Variants in PCDHGA5 observed in about 807,000 individuals in gnomAD.
The protein encoded by PCDHGA5 is protocadherin gamma subfamily A, 5.
A neutral mutation model predicts 56.7 loss-of-function variants in PCDHGA5; 36 were observed. The ratio of observed to expected loss-of-function variants is 0.64; its 90% CI spans 0.49 to 0.84. The LOEUF (loss-of-function observed/expected upper bound fraction) is 0.84, where lower values mean the gene tolerates loss of function less well. PCDHGA5 is among the 40% of genes least tolerant of loss of function. PCDHGA5 has a pLI of 0.00. For synonymous variants in PCDHGA5, 563 were observed against 520.2 expected (o/e 1.08, Z -1.12); for missense variants, 1,305 against 1,201.5 (o/e 1.09, Z -1.27).
rs371823901 is a variant in PCDHGA5 at position 141,384,767 on chromosome 5, C to T, written c.2421+18016C>T. 6.8e-6 allele frequency: 11 copies of T among 1,613,806 alleles called. No individual in the cohort carries two copies. The African/African-American group carries it at 9.3e-5, about 14-fold the overall frequency. The stretch of plus-strand genomic sequence containing the variant: ...GGACTCTTTGCGGTTGGGCTGTACA[C>T]GGGCGAGGTGCGCACGGCTCGGGCC... On this transcript the variant is annotated intron_variant, in intron 1 of 3. Coordinates refer to ENST00000518069, the MANE Select transcript of PCDHGA5 (RefSeq NM_018918.3).
At chr5:141,446,860 G>A (rs969206755) in intron 1 of PCDHGA5, among the ~76,000 whole-genome samples, 17 of 152,162 alleles carry the variant, frequency 1.1e-4, no homozygotes, top group African/African-American at 3.9e-4. Flanking sequence ...CTTCCTGATA[G>A]CTCTACACTG....
At position 141,382,875 on chromosome 5, in the gene PCDHGA5, C is replaced by T. The variant is rs531192742; in HGVS notation, c.2421+16124C>T. On this transcript the variant is annotated intron_variant, in intron 1 of 3. Transcript: ENST00000518069. ...TCTGAAGCACTTCCCGAGATCGGCG[C>T]CTAAGCAAGAGAAGCAGGACGACTA... 5 of 1,524,466 alleles carry T rather than the reference C, an allele frequency of 3.3e-6. No individual in the cohort carries two copies. In the East Asian group the frequency reaches 1.1e-4, roughly 35 times the overall value. The allele number at this position is 1,524,466 out of a possible 1,614,324, so 94.4% of individuals were successfully genotyped here. A position where few individuals can be genotyped will look rare whatever the true frequency, so the allele number is the denominator to read the frequency against.
Position 141,489,173 on chromosome 5 carries a change from C to T in PCDHGA5, c.2422-5634C>T. 8.3e-7 allele frequency: 1 copy of T among 1,208,434 alleles called. No individual in the cohort carries two copies. Among genetic ancestry groups the T allele is most frequent in the Non-Finnish European group, 1.2e-6 (1 of 860,944 alleles). The allele number at this position is 1,208,434 out of a possible 1,614,324, so 74.9% of individuals were successfully genotyped here. ...CATAAGAGACTTCAGCTGCTGCATTCCAAGCCCTGGGTCTACCTTGGAGAC... is the reference window on the plus strand; with the variant it reads ...CATAAGAGACTTCAGCTGCTGCATTTCAAGCCCTGGGTCTACCTTGGAGAC... On this transcript the variant is annotated intron_variant, in intron 1 of 3. Coordinates refer to ENST00000518069, the MANE Select transcript of PCDHGA5 (RefSeq NM_018918.3). The surrounding 1 kb of genome is among the most constrained non-coding windows in gnomAD (Gnocchi z 4.5).
At chr5:141,376,047 C>G (rs778307171) in intron 1 of PCDHGA5, 2 of 1,613,296 alleles carry the variant, frequency 1.2e-6, no homozygotes, top group South Asian at 2.2e-5. Flanking sequence ...CCCCCTCTCT[C>G]CGCCACTGTC....
At chr5:141,429,408 T>A (rs2097213256) in intron 1 of PCDHGA5, among the ~76,000 whole-genome samples, 1 of 151,838 alleles carries the variant, frequency 6.6e-6, no homozygotes, top group Non-Finnish European at 1.5e-5. Flanking sequence ...GAGATTAAGG[T>A]CTCATTATGT....
At chr5:141,372,159 A>G in intron 1 of PCDHGA5, 1 of 1,613,708 alleles carries the variant, frequency 6.2e-7, no homozygotes, top group East Asian at 2.2e-5. Context: ...CTACCTGGTG[A>G]CCAAGGTGGT....
At chr5:141,370,553 C>T in intron 1 of PCDHGA5, 1 of 1,613,810 alleles carries the variant, frequency 6.2e-7, no homozygotes, top group African/African-American at 1.3e-5. Flanking sequence ...TCGCCAAGGA[C>T]CTGGGGTTTG....
chr5:141,373,423 T>G (rs992122154), intron 1 of PCDHGA5, among the ~76,000 whole-genome samples: 1 of 152,214 alleles, frequency 6.6e-6, no homozygotes, highest in Non-Finnish European at 1.5e-5. Flanking sequence ...CTCGGGAGGC[T>G]GAGGTGGGAG....
chr5:141,368,584 T>C (rs988612608), intron 1 of PCDHGA5, among the ~76,000 whole-genome samples: 1 of 152,088 alleles, frequency 6.6e-6, no homozygotes, highest in African/African-American at 2.4e-5. Context: ...GGGTAAGGTG[T>C]TTGGGAAAAA....
At chr5:141,504,236 C>A (rs1011850372) in intron 2 of PCDHGA5, among the ~76,000 whole-genome samples, 2 of 152,194 alleles carry the variant, frequency 1.3e-5, no homozygotes, top group African/African-American at 4.8e-5. Flanking sequence ...TTCTAAGAAG[C>A]AGAGAGTTCT....
At chr5:141,385,268 C>CTT (rs1561607550) in intron 1 of PCDHGA5, 1 of 1,613,616 alleles carries the variant, frequency 6.2e-7, no homozygotes, top group Non-Finnish European at 8.5e-7. Context: ...AAAAATGATT[C>CTT]TTTGCTAACA....
intron 1 of PCDHGA5, chr5:141,416,557 T>C (rs1428283225): frequency 3.9e-5 from 6 of 152,112 alleles, no homozygotes; most frequent in Non-Finnish European, 8.8e-5. Flanking sequence ...CCTGAAACTC[T>C]GAAAACTCTG....
chr5:141,439,211 A>G (rs1438403213), intron 1 of PCDHGA5, among the ~76,000 whole-genome samples: 1 of 151,666 alleles, frequency 6.6e-6, no homozygotes, highest in Non-Finnish European at 1.5e-5. Flanking sequence ...AAAAATCCAT[A>G]TGTGAAAATT....
intron 1 of PCDHGA5, chr5:141,370,515 C>T (rs570951423): frequency 6.2e-7 from 1 of 1,613,860 alleles, no homozygotes; most frequent in South Asian, 1.1e-5. Context: ...TCCCGAGGAG[C>T]TGGACAGGGG....
At chr5:141,370,501 C>G in intron 1 of PCDHGA5, 1 of 1,613,952 alleles carries the variant, frequency 6.2e-7, no homozygotes, top group South Asian at 1.1e-5. Flanking sequence ...ATCCGCTACG[C>G]TATTCCCGAG....
intron 1 of PCDHGA5, among the ~76,000 whole-genome samples, chr5:141,451,302 G>T (rs1445994098): frequency 6.6e-6 from 1 of 152,208 alleles, no homozygotes; most frequent in Non-Finnish European, 1.5e-5. Context: ...GTCTTACAAG[G>T]CAGCAATTAA....
At chr5:141,374,994 C>A in intron 1 of PCDHGA5, 2 of 1,614,038 alleles carry the variant, frequency 1.2e-6, no homozygotes, top group Non-Finnish European at 1.7e-6. Flanking sequence ...ATTTCAACTT[C>A]TGCAAATCTA....
chr5:141,399,708 A>G lies in PCDHGA5; in HGVS notation c.2421+32957A>G, dbSNP rs769072460. On this transcript the variant is annotated intron_variant, in intron 1 of 3. Transcript: ENST00000518069. ...AGCAGCTGCGCACCTTCGAACTCAC[A>G]CTACAGGCCCGCGACCAGGGCTCGC... 5.6e-6 allele frequency: 9 copies of G among 1,613,256 alleles called. No homozygotes were observed. In the African/African-American group the frequency reaches 8.0e-5, roughly 14 times the overall value.
chr5:141,406,998 A>T (rs138992041), intron 1 of PCDHGA5, among the ~76,000 whole-genome samples: 1 of 152,234 alleles, frequency 6.6e-6, no homozygotes, highest in Non-Finnish European at 1.5e-5. Context: ...ATTTGAAAAT[A>T]AGCTTTGAAG....
Sources: allele counts gnomAD v4.1 joint callset (sites outside exome capture counted in the v4.1 genomes callset), GRCh38; gene constraint gnomAD v4.1.1; non-coding constraint Gnocchi (gnomAD v3.1); transcripts MANE v1.5; gene names NCBI Gene and HGNC (gene_info 2026-07-23, HGNC 2026-07-21).